FAM227B: variants seen among roughly 807,000 people sequenced by gnomAD.
FAM227B encodes protein FAM227B.
FAM227B carries 88 observed loss-of-function variants against 73.8 expected under a neutral mutation model. The ratio of observed to expected loss-of-function variants is 1.19; its 90% confidence interval spans 1.00 to 1.42. The LOEUF (loss-of-function observed/expected upper bound fraction) is 1.42, where lower values mean the gene tolerates loss of function less well. Among genes scored for constraint, FAM227B ranks in the 40% most tolerant of loss-of-function variants. The pLI is 0.00. For synonymous variants in FAM227B, 210 were observed against 190.5 expected (o/e 1.10, Z -0.84); for missense variants, 632 against 590.9 (o/e 1.07, Z -0.72).
intron 11 of FAM227B, among the ~76,000 whole-genome samples, chr15:49,373,423 T>C (rs2045968460): frequency 6.6e-6 from 1 of 152,142 alleles, no homozygotes; most frequent in Non-Finnish European, 1.5e-5. Flanking sequence ...AACCCATTGA[T>C]TAGTTTTAGG....
intron 10 of FAM227B, among the ~76,000 whole-genome samples, chr15:49,512,269 A>C (rs2059059476): frequency 6.6e-6 from 1 of 152,178 alleles, no homozygotes; most frequent in African/African-American, 2.4e-5. Context: ...GAATATAAAA[A>C]GAATTTTTAT....
chr15:49,526,197 G>T lies in FAM227B; in HGVS notation c.874+15483C>A, dbSNP rs2060192304. Among the ~76,000 whole-genome samples the T allele has an allele frequency of 8.5e-5, 13 of 152,156 alleles. No homozygotes were observed. In the South Asian group the frequency reaches 2.7e-3, roughly 32 times the overall value. On this transcript the variant is annotated intron_variant, in intron 10 of 15. Coordinates refer to ENST00000299338, the MANE Select transcript of FAM227B (RefSeq NM_152647.3). ...ATTTCGAAAACTGAAATTGTATCAA[G>T]TATCTTATCAGACCACAGTGGAATA...
intron 10 of FAM227B, among the ~76,000 whole-genome samples, chr15:49,530,495 G>A (rs1430239233): frequency 2.0e-5 from 3 of 151,736 alleles, no homozygotes; most frequent in African/African-American, 4.8e-5. Flanking sequence ...TATCAAAATA[G>A]TTATGGCAAA....
intron 11 of FAM227B, among the ~76,000 whole-genome samples, chr15:49,382,473 T>A (rs1202604402): frequency 3.3e-5 from 5 of 152,100 alleles, no homozygotes; most frequent in Non-Finnish European, 7.4e-5. Flanking sequence ...CATATTGAAA[T>A]GAAATTTCTT....
At position 49,328,327 on chromosome 15, in the gene FAM227B, A is replaced by ATGAT; in HGVS notation, c.*237_*240dup. On this transcript the variant is annotated 3_prime_UTR_variant, in exon 16 of 16. Transcript: ENST00000299338. ...GGTTGAAAGCTCTCTATGCTTCATAATGATTCTTTTTCCATCTTAAAATAT... is the reference window on the plus strand; with the variant it reads ...GGTTGAAAGCTCTCTATGCTTCATAATGATTGATTCTTTTTCCATCTTAAAATAT... 7.0e-7 allele frequency: 1 copy of ATGAT among 1,432,126 alleles called. No individual in the cohort carries two copies. Among genetic ancestry groups the ATGAT allele is most frequent in the African/African-American group, 1.4e-5 (1 of 69,736 alleles). The allele number at this position is 1,432,126 out of a possible 1,614,324, so 88.7% of individuals were successfully genotyped here.
At chr15:49,549,214 TGTTTA>T (rs1174594659) in intron 9 of FAM227B, among the ~76,000 whole-genome samples, 1 of 152,186 alleles carries the variant, frequency 6.6e-6, no homozygotes, top group African/African-American at 2.4e-5. Flanking sequence ...CATAGTCGTT[TGTTTA>T]AAGAGATTTT....
intron 13 of FAM227B, among the ~76,000 whole-genome samples, chr15:49,347,954 G>A (rs2041746926): frequency 6.7e-6 from 1 of 149,652 alleles, no homozygotes; most frequent in Admixed American, 6.7e-5. Flanking sequence ...GGGAGGTGGA[G>A]GCTGCAGTGA....
rs905733396 is a variant in FAM227B at position 49,589,887 on chromosome 15, G to A, written c.226C>T (p.Arg76Ter). Residue 76 changes from arginine (R) to a stop codon, truncating the protein, a stop_gained, in exon 4 of 16, where the codon CGA (arginine) becomes TGA (stop). Transcript: ENST00000299338. LOFTEE classifies it high-confidence loss of function. ...ATGATCAAAAGTGCTTCAAATATTC[G>A]AGGAACATTTTCCCATAGGTGTGTA... ...IYTHLWENVP[R>*]IFEALLIMES... 21 of 1,598,668 alleles carry A rather than the reference G, an allele frequency of 1.3e-5. 1 individual carries two copies. In the Middle Eastern group the frequency reaches 5.0e-4, roughly 38 times the overall value.
chr15:49,438,834 T>TGAGA (rs34026981), intron 11 of FAM227B, among the ~76,000 whole-genome samples: 81,841 of 149,646 alleles, frequency 0.55, 22,664 homozygotes, highest in Middle Eastern at 0.64. Context: ...GCTAAGCAAC[T>TGAGA]GAGAGAGAGA....
At chr15:49,430,114 A>C (rs1567260308) in intron 11 of FAM227B, among the ~76,000 whole-genome samples, 2 of 151,858 alleles carry the variant, frequency 1.3e-5, no homozygotes, top group Non-Finnish European at 2.9e-5. Context: ...CTCTCTGACA[A>C]ATCTTAGTGG....
chr15:49,582,577 C>G (rs2075883806), intron 5 of FAM227B, among the ~76,000 whole-genome samples: 1 of 152,144 alleles, frequency 6.6e-6, no homozygotes, highest in African/African-American at 2.4e-5. Flanking sequence ...ATCATTGAGG[C>G]AGAAAATTAA....
chr15:49,417,598 T>C (rs562001663), intron 11 of FAM227B, among the ~76,000 whole-genome samples: 89 of 152,272 alleles, frequency 5.8e-4, no homozygotes, highest in African/African-American at 2.1e-3. Flanking sequence ...TAAACGGTGC[T>C]GGGATAACTG....
intron 9 of FAM227B, among the ~76,000 whole-genome samples, chr15:49,560,012 T>C (rs2074114305): frequency 6.6e-6 from 1 of 151,600 alleles, no homozygotes; most frequent in Non-Finnish European, 1.5e-5. Flanking sequence ...CTCTAGTTCC[T>C]CCGCAATGGT....
chr15:49,401,379 A>C (rs1169415196), intron 11 of FAM227B, among the ~76,000 whole-genome samples: 1 of 152,064 alleles, frequency 6.6e-6, no homozygotes, highest in African/African-American at 2.4e-5. Context: ...GTGGAGAAAT[A>C]GGAACACTTT....
intron 5 of FAM227B, among the ~76,000 whole-genome samples, chr15:49,584,967 TCTA>T (rs2076055729): frequency 6.6e-6 from 1 of 151,966 alleles, no homozygotes; most frequent in African/African-American, 2.4e-5. Flanking sequence ...ATATCCAGAA[TCTA>T]CAATGAACTC....
At chr15:49,345,667 A>AT (rs766226497) in intron 13 of FAM227B, among the ~76,000 whole-genome samples, 50 of 152,206 alleles carry the variant, frequency 3.3e-4, no homozygotes, top group Admixed American at 1.4e-3. Flanking sequence ...AAGCCACTGA[A>AT]TGGAAGATTC....
intron 11 of FAM227B, among the ~76,000 whole-genome samples, chr15:49,467,331 G>C (rs181696212): frequency 6.6e-6 from 1 of 152,082 alleles, no homozygotes; most frequent in African/African-American, 2.4e-5. Flanking sequence ...GTGCCCTTGT[G>C]ATCACTTTCT....
At chr15:49,443,482 T>C (rs79114847) in intron 11 of FAM227B, among the ~76,000 whole-genome samples, 3,566 of 151,788 alleles carry the variant, frequency 0.023, 91 homozygotes, top group South Asian at 0.13. Flanking sequence ...ATTTTGTTGA[T>C]GGTCTACATT....
At chr15:49,518,690 T>C (rs2059560695) in intron 10 of FAM227B, among the ~76,000 whole-genome samples, 1 of 152,064 alleles carries the variant, frequency 6.6e-6, no homozygotes, top group Non-Finnish European at 1.5e-5. Flanking sequence ...AACACTCCCA[T>C]GATTCAATTA....
Sources: gnomAD v4.1 joint callset for allele counts (sites outside exome capture counted in the v4.1 genomes callset) on GRCh38, gnomAD v4.1.1 for gene constraint, MANE v1.5 for transcripts, NCBI Gene and HGNC (gene_info 2026-07-23, HGNC 2026-07-21) for gene names.